Variants in KCNQ5 observed in about 807,000 individuals in gnomAD.
KCNQ5 encodes potassium voltage-gated channel subfamily KQT member 5.
In KCNQ5, 30 loss-of-function variants were observed where a neutral mutation model predicts 98.2. The ratio of observed to expected loss-of-function variants is 0.31; its 90% CI spans 0.23 to 0.41. KCNQ5 has a LOEUF of 0.41. Ranked by LOEUF, KCNQ5 falls within the 10% of genes least tolerant of loss-of-function variation. KCNQ5 has a pLI of 1.00. For missense variants in KCNQ5, 835 were observed against 1,182.5 expected (o/e 0.71, Z 4.31); for synonymous variants, 458 against 449.4 (o/e 1.02, Z -0.24).
intron 1 of KCNQ5, among the ~76,000 whole-genome samples, chr6:72,911,562 A>G (rs185958689): frequency 2.6e-3 from 397 of 152,258 alleles, no homozygotes; most frequent in Non-Finnish European, 4.4e-3. Context: ...GGGGCTGAGT[A>G]GTAAGACCAA....
chr6:73,178,175 C>T (rs901154496), intron 11 of KCNQ5, among the ~76,000 whole-genome samples: 7 of 151,430 alleles, frequency 4.6e-5, no homozygotes, highest in African/African-American at 1.7e-4. Flanking sequence ...ACACAAAATC[C>T]CCAAATTTAG....
chr6:72,653,123 C>T (rs374737405), intron 1 of KCNQ5, among the ~76,000 whole-genome samples: 1 of 151,820 alleles, frequency 6.6e-6, no homozygotes, highest in Non-Finnish European at 1.5e-5. Context: ...AGACCTCTCC[C>T]TTGGATTTTC....
At chr6:72,877,847 C>G (rs565071681) in intron 1 of KCNQ5, among the ~76,000 whole-genome samples, 1 of 152,278 alleles carries the variant, frequency 6.6e-6, no homozygotes, top group Admixed American at 6.5e-5. Context: ...GTTCATTGGC[C>G]GCAGATCTCA....
intron 1 of KCNQ5, among the ~76,000 whole-genome samples, chr6:72,872,721 G>A (rs9351950): frequency 0.28 from 42,670 of 151,570 alleles, 6,130 homozygotes; most frequent in Non-Finnish European, 0.29. Flanking sequence ...TTTTCATTTC[G>A]CGAATTGTAC....
chr6:72,714,814 A>G (rs1467287845), intron 1 of KCNQ5, among the ~76,000 whole-genome samples: 2 of 152,198 alleles, frequency 1.3e-5, no homozygotes, highest in African/African-American at 4.8e-5. Flanking sequence ...AATATCTTGA[A>G]GATCATATTC....
At chr6:73,134,786 C>T (rs1172825927) in intron 10 of KCNQ5, 1 of 152,380 alleles carries the variant, frequency 6.6e-6, no homozygotes, top group African/African-American at 2.4e-5. Context: ...CATGCTTCCC[C>T]GCAGCCTGTC....
chr6:72,751,766 G>T (rs1771697785), intron 1 of KCNQ5, among the ~76,000 whole-genome samples: 1 of 152,032 alleles, frequency 6.6e-6, no homozygotes, highest in Admixed American at 6.6e-5. Flanking sequence ...CACCTACTGT[G>T]TTCTGAGCAT....
chr6:73,129,776 A>T lies in KCNQ5; in HGVS notation c.1248-3645A>T. The T allele has an allele frequency of 6.2e-7, 1 of 1,608,648 alleles. No individual in the cohort carries two copies. The highest frequency in any genetic ancestry group is 8.5e-7 in the Non-Finnish European group (1 of 1,175,848). On this transcript the variant is annotated intron_variant, in intron 9 of 13. Transcript: ENST00000370398. ...GAAATGCTTAGTAATGTGCTGCTCTATTTCCCTCACTCCTAGTAAGTTCTG... is the reference window on the plus strand; with the variant it reads ...GAAATGCTTAGTAATGTGCTGCTCTTTTTCCCTCACTCCTAGTAAGTTCTG...
intron 1 of KCNQ5, among the ~76,000 whole-genome samples, chr6:72,877,559 A>T (rs2150169322): frequency 6.6e-6 from 1 of 152,348 alleles, no homozygotes; most frequent in East Asian, 1.9e-4. Context: ...AGAATGTTTT[A>T]TAATCCTTTG....
chr6:72,809,800 A>G (rs1775157172), intron 1 of KCNQ5, among the ~76,000 whole-genome samples: 1 of 152,128 alleles, frequency 6.6e-6, no homozygotes, highest in Non-Finnish European at 1.5e-5. Context: ...TTACTTTCAC[A>G]TTTTTCTAAA....
At chr6:72,928,265 G>C (rs1468963726) in intron 1 of KCNQ5, among the ~76,000 whole-genome samples, 2 of 151,978 alleles carry the variant, frequency 1.3e-5, no homozygotes, top group Non-Finnish European at 2.9e-5. Context: ...AGTTATACTA[G>C]ACAGATATTT....
chr6:72,660,492 G>C (rs1766456744), intron 1 of KCNQ5, among the ~76,000 whole-genome samples: 1 of 152,130 alleles, frequency 6.6e-6, no homozygotes, highest in Admixed American at 6.5e-5. Flanking sequence ...ATATTTTGAA[G>C]GACAGCTTTG....
intron 1 of KCNQ5, among the ~76,000 whole-genome samples, chr6:72,951,227 C>A (rs922729876): frequency 2.0e-5 from 3 of 152,008 alleles, no homozygotes; most frequent in African/African-American, 7.2e-5. Flanking sequence ...ATTAATTTAA[C>A]CTCTTAGCCT....
intron 2 of KCNQ5, among the ~76,000 whole-genome samples, chr6:73,038,144 T>C (rs1429083462): frequency 6.6e-6 from 1 of 152,068 alleles, no homozygotes; most frequent in Non-Finnish European, 1.5e-5. Flanking sequence ...TTATAAATAA[T>C]AATTTTGTGT....
At chr6:73,075,654 G>A (rs1773507582) in intron 3 of KCNQ5, among the ~76,000 whole-genome samples, 1 of 152,070 alleles carries the variant, frequency 6.6e-6, no homozygotes, top group Admixed American at 6.5e-5. Context: ...AACACATTTA[G>A]TTCCTTCTTG....
At chr6:73,047,631 T>C (rs539330468) in intron 3 of KCNQ5, among the ~76,000 whole-genome samples, 7 of 152,362 alleles carry the variant, frequency 4.6e-5, no homozygotes, top group African/African-American at 1.7e-4. Flanking sequence ...ACTCTTTCTA[T>C]AAACTTTAGT....
intron 1 of KCNQ5, among the ~76,000 whole-genome samples, chr6:72,718,736 A>G (rs1769794375): frequency 6.6e-6 from 1 of 152,062 alleles, no homozygotes; most frequent in Non-Finnish European, 1.5e-5. Flanking sequence ...GGCGTGAGCC[A>G]CCGCACCCAG....
At chr6:72,981,798 T>C (rs1047025186) in intron 1 of KCNQ5, among the ~76,000 whole-genome samples, 4 of 152,230 alleles carry the variant, frequency 2.6e-5, no homozygotes, top group Admixed American at 6.5e-5. Flanking sequence ...GGGCATTTAG[T>C]GCTATAAATT....
chr6:72,820,071 A>G (rs1455149716), intron 1 of KCNQ5, among the ~76,000 whole-genome samples: 2 of 152,124 alleles, frequency 1.3e-5, no homozygotes, highest in Admixed American at 6.6e-5. Flanking sequence ...ATTAGAATCC[A>G]TTGTACCAGT....
Sources: gnomAD v4.1 joint callset for allele counts (sites outside exome capture counted in the v4.1 genomes callset) on GRCh38, gnomAD v4.1.1 for gene constraint, MANE v1.5 for transcripts, NCBI Gene and HGNC (gene_info 2026-07-23, HGNC 2026-07-21) for gene names.